MAML2: variants seen among roughly 807,000 people sequenced by gnomAD.
The protein encoded by MAML2 is mastermind-like protein 2.
Under a neutral mutation model 96.1 loss-of-function variants are expected in MAML2, and 22 were observed. The observed-to-expected ratio is 0.23, with a 90% CI of 0.16 to 0.33. The LOEUF (loss-of-function observed/expected upper bound fraction) is 0.33, where lower values mean the gene tolerates loss of function less well. MAML2 is among the 10% of genes least tolerant of loss of function. The probability of loss-of-function intolerance (pLI) is 1.00; values close to 1 mark genes in which losing one functional copy is unlikely to be tolerated. For synonymous variants in MAML2, 561 were observed against 521.3 expected (o/e 1.08, Z -1.04); for missense variants, 1,367 against 1,392.4 (o/e 0.98, Z 0.29).
chr11:96,067,087 G>C (rs772240844), intron 2 of MAML2, among the ~76,000 whole-genome samples: 1 of 152,184 alleles, frequency 6.6e-6, no homozygotes, highest in African/African-American at 2.4e-5. Flanking sequence ...GAAACCAGTG[G>C]AGGGTTCTGA....
intron 2 of MAML2, among the ~76,000 whole-genome samples, chr11:96,032,153 G>A (rs1187746985): frequency 6.6e-6 from 1 of 152,036 alleles, no homozygotes; most frequent in Admixed American, 6.6e-5. Flanking sequence ...GGATCAACTG[G>A]AATACTCGAA....
chr11:96,200,286 G>A (rs1248684515), intron 1 of MAML2, among the ~76,000 whole-genome samples: 1 of 152,170 alleles, frequency 6.6e-6, no homozygotes, highest in Non-Finnish European at 1.5e-5. Flanking sequence ...TTGGTCAGGA[G>A]AAGCCATGGC....
intron 1 of MAML2, among the ~76,000 whole-genome samples, chr11:96,118,522 TCCTTTATAAATTACCC>T (rs1860282352): frequency 6.6e-6 from 1 of 152,108 alleles, no homozygotes; most frequent in Admixed American, 6.6e-5. Context: ...TAAACCTCTT[TCCTTTATAAATTACCC>T]AGTCTCAGGT....
chr11:96,054,607 C>A (rs1021915682), intron 2 of MAML2, among the ~76,000 whole-genome samples: 1 of 152,130 alleles, frequency 6.6e-6, no homozygotes, highest in Non-Finnish European at 1.5e-5. Flanking sequence ...AAAGAATTAA[C>A]TATTTAGCCT....
intron 2 of MAML2, among the ~76,000 whole-genome samples, chr11:96,066,672 TA>T (rs11321178): frequency 0.81 from 122,876 of 152,090 alleles, 50,318 homozygotes; most frequent in Non-Finnish European, 0.87. Context: ...ATTAAACATT[TA>T]TTATGTGCCA....
intron 3 of MAML2, among the ~76,000 whole-genome samples, chr11:95,987,540 A>T (rs1240366276): frequency 6.6e-6 from 1 of 152,192 alleles, no homozygotes; most frequent in Non-Finnish European, 1.5e-5. Context: ...CAACAAATAG[A>T]AAAGAAAACT....
intron 1 of MAML2, among the ~76,000 whole-genome samples, chr11:96,121,041 C>G (rs897527117): frequency 1.3e-5 from 2 of 151,330 alleles, no homozygotes; most frequent in Non-Finnish European, 2.9e-5. Context: ...TAGCCAGATT[C>G]ATAACTAACG....
intron 1 of MAML2, among the ~76,000 whole-genome samples, chr11:96,194,782 C>T (rs868410645): frequency 6.7e-6 from 1 of 148,936 alleles, no homozygotes; most frequent in African/African-American, 2.6e-5. Flanking sequence ...AGAAAAGGCA[C>T]CACCGAAGGG....
intron 1 of MAML2, among the ~76,000 whole-genome samples, chr11:96,108,326 T>C (rs962164168): frequency 3.3e-5 from 5 of 152,240 alleles, no homozygotes; most frequent in Admixed American, 2.6e-4. Flanking sequence ...TGTCTCCATC[T>C]TTAATAGTCA....
At position 96,222,884 on chromosome 11, in the gene MAML2, AATTT is replaced by A. The variant is rs374296832; in HGVS notation, c.513+118495_513+118498del. ...TGTGATTTAAATTTTCAAAAAATAT[AATTT>A]GTTTCATTTAAATAATTATTTGAAT... On this transcript the variant is annotated intron_variant, in intron 1 of 4. Coordinates refer to ENST00000524717, the MANE Select transcript of MAML2 (RefSeq NM_032427.4). 4.1e-4 allele frequency among the ~76,000 whole-genome samples: 62 copies of A among 152,296 alleles called. 3 individuals are homozygous for A. In the South Asian group the frequency reaches 0.012, roughly 30 times the overall value.
chr11:96,000,246 A>G (rs760320404), intron 2 of MAML2, among the ~76,000 whole-genome samples: 4 of 152,212 alleles, frequency 2.6e-5, no homozygotes, highest in Non-Finnish European at 4.4e-5. Flanking sequence ...AAACTCTCCT[A>G]TCTTCAGGTT....
At chr11:96,212,124 TGTG>T (rs1861980831) in intron 1 of MAML2, among the ~76,000 whole-genome samples, 1 of 146,848 alleles carries the variant, frequency 6.8e-6, no homozygotes, top group African/African-American at 2.5e-5. Flanking sequence ...TGTGTGTGTG[TGTG>T]TGTGTGTGTG....
chr11:96,109,139 T>C (rs771236619), intron 1 of MAML2, among the ~76,000 whole-genome samples: 2 of 152,168 alleles, frequency 1.3e-5, no homozygotes, highest in Non-Finnish European at 2.9e-5. Context: ...GAAACATCCA[T>C]TTCATTCTGG....
chr11:96,126,024 G>A (rs1480733286), intron 1 of MAML2, among the ~76,000 whole-genome samples: 1 of 152,122 alleles, frequency 6.6e-6, no homozygotes, highest in East Asian at 1.9e-4. Context: ...ACTTCAAGTG[G>A]AGCCTTTCCT....
intron 1 of MAML2, among the ~76,000 whole-genome samples, chr11:96,219,373 G>A (rs1862098639): frequency 6.6e-6 from 1 of 152,166 alleles, no homozygotes; most frequent in Non-Finnish European, 1.5e-5. Context: ...ATCACCTCGG[G>A]CATGAGTTCT....
Position 96,092,257 on chromosome 11 carries a change from G to T in MAML2, c.1774C>A (p.Gln592Lys), listed in dbSNP as rs544376329. ...SLLHYTQQQQ[Q>K]QQQQQQQQQQ... ...TGCTGCTGCTGCTGCTGCTGTTGCT[G>T]CTGTTGCTGTTGGGTGTAGTGTAGG... Residue 592 changes from glutamine (Q) to lysine (K), a missense_variant, in exon 2 of 5, where the codon CAG (glutamine) becomes AAG (lysine). Gln to Lys is a moderately conservative substitution (Grantham distance 53, BLOSUM62 1). Transcript: ENST00000524717. The surrounding 1 kb of genome is among the most constrained non-coding windows in gnomAD (Gnocchi z 4.1). The T allele has an allele frequency of 6.4e-6, 10 of 1,554,296 alleles. No individual in the cohort carries two copies. In the African/African-American group the frequency reaches 9.6e-5, roughly 15 times the overall value.
At chr11:96,091,193 T>C (rs1859699801) in intron 2 of MAML2, among the ~76,000 whole-genome samples, 1 of 152,204 alleles carries the variant, frequency 6.6e-6, no homozygotes, top group Non-Finnish European at 1.5e-5. Flanking sequence ...TAATTTCATC[T>C]TTTAACATTT....
intron 1 of MAML2, among the ~76,000 whole-genome samples, chr11:96,337,862 G>T (rs183380320): frequency 5.9e-5 from 9 of 152,326 alleles, no homozygotes; most frequent in Non-Finnish European, 1.0e-4. Flanking sequence ...ACGCTCATTT[G>T]CTTCTCTCAA....
At chr11:96,021,412 A>G (rs1858433532) in intron 2 of MAML2, among the ~76,000 whole-genome samples, 1 of 152,220 alleles carries the variant, frequency 6.6e-6, no homozygotes, top group Non-Finnish European at 1.5e-5. Flanking sequence ...TCATGACCCC[A>G]GCAGATGAAA....
Sources: allele counts gnomAD v4.1 joint callset (sites outside exome capture counted in the v4.1 genomes callset), GRCh38; gene constraint gnomAD v4.1.1; non-coding constraint Gnocchi (gnomAD v3.1); transcripts MANE v1.5; gene names NCBI Gene and HGNC (gene_info 2026-07-23, HGNC 2026-07-21).